Variants in COX7B2 observed in about 807,000 individuals in gnomAD.
COX7B2 encodes the protein cytochrome c oxidase subunit 7B2, mitochondrial.
For missense variants in COX7B2, 109 were observed against 95.9 expected (o/e 1.14, Z -0.57); for synonymous variants, 37 against 32.1 (o/e 1.15, Z -0.51).
At chr4:46,837,032 T>A (rs1715560183) in intron 2 of COX7B2, among the ~76,000 whole-genome samples, 1 of 152,112 alleles carries the variant, frequency 6.6e-6, no homozygotes, top group African/African-American at 2.4e-5. Context: ...TTTAATCCAC[T>A]TCATATTTAA....
chr4:46,843,486 A>C (rs1253573087), intron 2 of COX7B2, among the ~76,000 whole-genome samples: 1 of 151,996 alleles, frequency 6.6e-6, no homozygotes, highest in East Asian at 1.9e-4. Context: ...GGATTCAAAC[A>C]CAGGTCTACT....
intron 1 of COX7B2, among the ~76,000 whole-genome samples, chr4:46,898,988 T>C (rs1299495670): frequency 6.6e-6 from 1 of 152,204 alleles, no homozygotes; most frequent in East Asian, 1.9e-4. Flanking sequence ...TATTTGTTCA[T>C]TGCTGTATTT....
At chr4:46,899,598 G>A (rs1207309521) in intron 1 of COX7B2, among the ~76,000 whole-genome samples, 2 of 152,130 alleles carry the variant, frequency 1.3e-5, no homozygotes, top group African/African-American at 4.8e-5. Flanking sequence ...TGTAAGTCAT[G>A]AGCTAAATAG....
intron 2 of COX7B2, among the ~76,000 whole-genome samples, chr4:46,828,199 CAG>C (rs1421268390): frequency 2.6e-5 from 4 of 151,958 alleles, no homozygotes; most frequent in African/African-American, 7.3e-5. Context: ...AGATTAAAGA[CAG>C]GGAGGAATAT....
intron 2 of COX7B2, among the ~76,000 whole-genome samples, chr4:46,744,734 T>A (rs1383685724): frequency 6.8e-6 from 1 of 146,724 alleles, no homozygotes; most frequent in African/African-American, 2.5e-5. Context: ...TCAAAGATAT[T>A]TTAATTTTTT....
chr4:46,818,119 T>G (rs147807810), intron 2 of COX7B2, among the ~76,000 whole-genome samples: 1 of 152,042 alleles, frequency 6.6e-6, no homozygotes, highest in Non-Finnish European at 1.5e-5. Context: ...CACAGGATGG[T>G]TGGAAAAATT....
chr4:46,853,356 A>G (rs1482051291), intron 1 of COX7B2, among the ~76,000 whole-genome samples: 2 of 152,124 alleles, frequency 1.3e-5, no homozygotes, highest in African/African-American at 4.8e-5. Flanking sequence ...TCTTATTTAC[A>G]TACTTCTTTC....
intron 1 of COX7B2, among the ~76,000 whole-genome samples, chr4:46,848,824 C>T (rs974776167): frequency 1.2e-4 from 18 of 151,838 alleles, no homozygotes; most frequent in African/African-American, 4.4e-4. Flanking sequence ...CCTTGGATTC[C>T]ATGGAGCATT....
At chr4:46,892,458 A>T (rs1719484893) in intron 1 of COX7B2, among the ~76,000 whole-genome samples, 1 of 152,210 alleles carries the variant, frequency 6.6e-6, no homozygotes. Flanking sequence ...ACAGAAACTG[A>T]AACATGTAGT....
intron 2 of COX7B2, among the ~76,000 whole-genome samples, chr4:46,771,132 C>T (rs1347394333): frequency 6.6e-6 from 1 of 151,944 alleles, no homozygotes; most frequent in African/African-American, 2.4e-5. Context: ...ATAAGTAACC[C>T]AATTTAAAAA....
intron 2 of COX7B2, among the ~76,000 whole-genome samples, chr4:46,742,645 A>G (rs1483200077): frequency 6.6e-6 from 1 of 152,154 alleles, no homozygotes; most frequent in Non-Finnish European, 1.5e-5. Context: ...TCACTTCATT[A>G]AGCCTAAAAA....
At chr4:46,801,306 T>TAC (rs1214081743) in intron 2 of COX7B2, among the ~76,000 whole-genome samples, 1 of 152,070 alleles carries the variant, frequency 6.6e-6, no homozygotes, top group African/African-American at 2.4e-5. Flanking sequence ...CGGCCCTACT[T>TAC]ACAATAGCAA....
At chr4:46,785,620 G>A (rs1439130251) in intron 2 of COX7B2, among the ~76,000 whole-genome samples, 3 of 152,182 alleles carry the variant, frequency 2.0e-5, no homozygotes, top group Non-Finnish European at 4.4e-5. Flanking sequence ...TCATTCATAC[G>A]TGTAAAGCCT....
chr4:46,843,568 A>G (rs1198995348), intron 2 of COX7B2, among the ~76,000 whole-genome samples: 1 of 152,018 alleles, frequency 6.6e-6, no homozygotes, highest in Non-Finnish European at 1.5e-5. Context: ...CCAGCCAGGA[A>G]TTAATGTAAA....
chr4:46,804,130 C>T (rs566828119), intron 2 of COX7B2, among the ~76,000 whole-genome samples: 19 of 151,884 alleles, frequency 1.3e-4, no homozygotes, highest in Non-Finnish European at 2.4e-4. Flanking sequence ...GCTCTTAAGG[C>T]GGCGCGTCTG....
chr4:46,866,954 C>T (rs1451029300), intron 1 of COX7B2, among the ~76,000 whole-genome samples: 2 of 152,134 alleles, frequency 1.3e-5, no homozygotes, highest in East Asian at 1.9e-4. Flanking sequence ...TATATCCAGT[C>T]GACTATCAAA....
At chr4:46,791,681 A>C (rs1217340018) in intron 2 of COX7B2, among the ~76,000 whole-genome samples, 1 of 152,132 alleles carries the variant, frequency 6.6e-6, no homozygotes, top group Non-Finnish European at 1.5e-5. Flanking sequence ...CAAAGTCTGC[A>C]CTCTAAACAC....
chr4:46,879,893 A>T (rs937855921), intron 1 of COX7B2, among the ~76,000 whole-genome samples: 1 of 152,194 alleles, frequency 6.6e-6, no homozygotes, highest in Non-Finnish European at 1.5e-5. Context: ...CTCTGTATTA[A>T]TGAGAACTCA....
intron 2 of COX7B2, among the ~76,000 whole-genome samples, chr4:46,800,428 G>T (rs565245839): frequency 6.6e-6 from 1 of 151,952 alleles, no homozygotes; most frequent in African/African-American, 2.4e-5. Flanking sequence ...ACAGACCAAT[G>T]GGAAAGATTA....
Sources: allele counts gnomAD v4.1 joint callset (sites outside exome capture counted in the v4.1 genomes callset), GRCh38; gene constraint gnomAD v4.1.1; transcripts MANE v1.5; gene names NCBI Gene and HGNC (gene_info 2026-07-23, HGNC 2026-07-21).